Variants in DLGAP2 observed in about 807,000 individuals in gnomAD.
DLGAP2 encodes disks large-associated protein 2.
A neutral mutation model predicts 100.3 loss-of-function variants in DLGAP2; 26 were observed. The ratio of observed to expected loss-of-function variants is 0.26; its 90% confidence interval spans 0.19 to 0.36. DLGAP2 has a LOEUF of 0.36. Ranked by LOEUF, DLGAP2 falls within the 10% of genes least tolerant of loss-of-function variation. The probability of loss-of-function intolerance (pLI) is 1.00; values close to 1 mark genes in which losing one functional copy is unlikely to be tolerated. For synonymous variants in DLGAP2, 886 were observed against 630.1 expected, an observed-to-expected ratio of 1.41 and a Z score of -6.08; for missense variants, 1,858 against 1,453.2, an observed-to-expected ratio of 1.28 and a Z score of -4.53.
chr8:1,483,124 G>A (rs1268050067), intron 3 of DLGAP2, among the ~76,000 whole-genome samples: 1 of 152,216 alleles, frequency 6.6e-6, no homozygotes, highest in African/African-American at 2.4e-5. Context: ...GGTGCCGGCA[G>A]GAAGGGCAGC....
At chr8:1,451,544 C>G (rs1458334243) in intron 3 of DLGAP2, among the ~76,000 whole-genome samples, 5 of 152,154 alleles carry the variant, frequency 3.3e-5, no homozygotes, top group African/African-American at 1.2e-4. Context: ...TCCTTCCCCA[C>G]CTCAGCATCG....
rs1220742840 is a variant in DLGAP2, at chr8:1,316,595, C to T, written c.106+57712C>T. 2.2e-4 allele frequency among the ~76,000 whole-genome samples: 31 copies of T among 142,496 alleles called. 1 individual carries two copies. The highest frequency in any genetic ancestry group is 8.2e-4 in the African/African-American group (31 of 37,578). 93.5% of individuals were successfully genotyped at this position (142,496 alleles called of 152,430 possible). A position where few individuals can be genotyped will look rare whatever the true frequency, so the allele number is the denominator to read the frequency against. ...CCAACAGTGGTCTACACTCGAGACA[C>T]TCGGCAGCGTTTAAAAATAGAGCGT... On this transcript the variant is annotated intron_variant, in intron 3 of 14. Transcript: ENST00000637795.
intron 1 of DLGAP2, among the ~76,000 whole-genome samples, chr8:783,482 GA>G (rs1821756290): frequency 6.6e-6 from 1 of 152,198 alleles, no homozygotes. Context: ...ATTTGGATGT[GA>G]AAAGGATGTT....
rs142355798 is a variant in DLGAP2, at chr8:1,573,693, G to A, written c.1442+7799G>A. Among the ~76,000 whole-genome samples, 100 of 152,282 alleles carry A rather than the reference G, an allele frequency of 6.6e-4. 1 individual carries two copies. The Middle Eastern group carries it at 0.01, about 16-fold the overall frequency. Reference sequence around the variant, plus strand: ...AATGGAGCTTTCAGTCCAGATGCTGGCAAGCAAGGGCCTGCCAAGGGCCTT... The same window carrying A: ...AATGGAGCTTTCAGTCCAGATGCTGACAAGCAAGGGCCTGCCAAGGGCCTT... On this transcript the variant is annotated intron_variant, in intron 6 of 14. Coordinates refer to ENST00000637795, the MANE Select transcript of DLGAP2 (RefSeq NM_001346810.2).
chr8:1,265,279 A>G (rs1359992865), intron 3 of DLGAP2, among the ~76,000 whole-genome samples: 1 of 152,196 alleles, frequency 6.6e-6, no homozygotes, highest in Admixed American at 6.5e-5. Context: ...TTAAAAACAA[A>G]CAGAATATCT....
intron 1 of DLGAP2, among the ~76,000 whole-genome samples, chr8:840,769 G>A (rs527640336): frequency 2.6e-5 from 4 of 152,162 alleles, no homozygotes; most frequent in African/African-American, 4.8e-5. Context: ...TGGATTCTGC[G>A]AGCGCGTCTA....
At chr8:1,452,702 C>T (rs949979239) in intron 3 of DLGAP2, among the ~76,000 whole-genome samples, 2 of 152,212 alleles carry the variant, frequency 1.3e-5, no homozygotes, top group African/African-American at 4.8e-5. Flanking sequence ...CTGCGCTGGG[C>T]AGCTGAGCTG....
intron 3 of DLGAP2, among the ~76,000 whole-genome samples, chr8:1,340,707 C>G (rs1046579901): frequency 6.6e-6 from 1 of 152,154 alleles, no homozygotes; most frequent in African/African-American, 2.4e-5. Context: ...CACCATTGGA[C>G]TCAGCAATGC....
At chr8:1,614,721 G>A (rs1797093997) in intron 6 of DLGAP2, among the ~76,000 whole-genome samples, 2 of 152,226 alleles carry the variant, frequency 1.3e-5, no homozygotes, top group African/African-American at 2.4e-5. Flanking sequence ...TCACCCTGGC[G>A]ACACGATTTT....
At chr8:1,480,631 C>T (rs551181777) in intron 3 of DLGAP2, among the ~76,000 whole-genome samples, 32 of 143,380 alleles carry the variant, frequency 2.2e-4, no homozygotes, top group Non-Finnish European at 4.5e-4. Flanking sequence ...GGGCGGATCA[C>T]CTGAGGTCAG....
At chr8:1,696,816 C>T (rs910972518) in intron 13 of DLGAP2, among the ~76,000 whole-genome samples, 6 of 152,346 alleles carry the variant, frequency 3.9e-5, no homozygotes, top group South Asian at 2.1e-4. Flanking sequence ...CTGTCCCTTC[C>T]GAATCATCCA....
At chr8:742,808 G>A (rs1167123535) in intron 1 of DLGAP2, among the ~76,000 whole-genome samples, 4 of 152,046 alleles carry the variant, frequency 2.6e-5, no homozygotes, top group Admixed American at 1.3e-4. Flanking sequence ...TTTCCCAGCT[G>A]CATTTGGCTC....
intron 2 of DLGAP2, among the ~76,000 whole-genome samples, chr8:1,228,066 T>A (rs1244655912): frequency 2.0e-5 from 3 of 150,564 alleles, no homozygotes; most frequent in African/African-American, 4.9e-5. Context: ...CATCACACAC[T>A]GGGGCCTGTT....
intron 3 of DLGAP2, among the ~76,000 whole-genome samples, chr8:1,334,631 C>T (rs1801230516): frequency 1.3e-5 from 2 of 152,150 alleles, no homozygotes; most frequent in Non-Finnish European, 2.9e-5. Context: ...GTGGGCCATG[C>T]ATGGACTCCG....
intron 3 of DLGAP2, among the ~76,000 whole-genome samples, chr8:1,364,503 G>C (rs933997854): frequency 1.2e-4 from 6 of 51,480 alleles, no homozygotes; most frequent in African/African-American, 4.4e-4. Context: ...TGGGAAGGGC[G>C]GGGGGGGTGC....
intron 2 of DLGAP2, among the ~76,000 whole-genome samples, chr8:1,173,747 C>T (rs143614995): frequency 0.028 from 4,271 of 152,276 alleles, 102 homozygotes; most frequent in Non-Finnish European, 0.047. Context: ...GCACAGTATT[C>T]GGGTAGGAGT....
intron 3 of DLGAP2, among the ~76,000 whole-genome samples, chr8:1,409,165 C>A (rs112669595): frequency 2.3e-5 from 2 of 85,964 alleles, no homozygotes; most frequent in African/African-American, 4.2e-5. Context: ...CCAGTTCCTT[C>A]CTCACCATAG....
intron 13 of DLGAP2, among the ~76,000 whole-genome samples, chr8:1,694,494 G>A (rs1435776996): frequency 6.6e-6 from 1 of 152,216 alleles, no homozygotes; most frequent in Non-Finnish European, 1.5e-5. Flanking sequence ...GGATGTGCAG[G>A]TGGCTTGTGA....
At chr8:1,327,554 A>G (rs1801049710) in intron 3 of DLGAP2, among the ~76,000 whole-genome samples, 1 of 152,224 alleles carries the variant, frequency 6.6e-6, no homozygotes, top group South Asian at 2.1e-4. Context: ...AGTGTAAAGA[A>G]ACATGGTGAG....
Sources: gnomAD v4.1 joint callset for allele counts (sites outside exome capture counted in the v4.1 genomes callset) on GRCh38, gnomAD v4.1.1 for gene constraint, MANE v1.5 for transcripts, NCBI Gene and HGNC (gene_info 2026-07-23, HGNC 2026-07-21) for gene names.